The following TSPAN9 variants were observed in gnomAD, a reference collection of about 807,000 sequenced individuals.
TSPAN9 encodes tetraspanin 9, also known as tetraspanin-9.
Under a neutral mutation model 31.0 loss-of-function variants are expected in TSPAN9, and 16 were observed. The observed-to-expected ratio is 0.52, with a 90% confidence interval of 0.35 to 0.78. TSPAN9 has a LOEUF of 0.78. Among genes scored for constraint, TSPAN9 ranks in the 30% least tolerant of loss-of-function variants. TSPAN9 has a pLI of 0.01. For missense variants in TSPAN9, 272 were observed against 312.5 expected (o/e 0.87, Z 0.98); for synonymous variants, 145 against 121.6 (o/e 1.19, Z -1.27).
At chr12:3,222,211 G>A (rs920735932) in intron 3 of TSPAN9, among the ~76,000 whole-genome samples, 3 of 152,268 alleles carry the variant, frequency 2.0e-5, no homozygotes, top group African/African-American at 7.2e-5. Flanking sequence ...AGGGGGGGAC[G>A]TGGCCACAGC....
Position 3,170,012 on chromosome 12 carries a change from G to C in TSPAN9, c.-17-31165G>C, listed in dbSNP as rs1381861324. On this transcript the variant is annotated intron_variant, in intron 2 of 8. Coordinates refer to ENST00000011898, the MANE Select transcript of TSPAN9 (RefSeq NM_006675.5). The surrounding 1 kb of genome is among the most constrained non-coding windows in gnomAD (Gnocchi z 4.4). ...TGGAGGAGTCAGAATGTCTTGGGGTGGGGGTGGGGGCATCCTGAATCTCAT... is the reference window on the plus strand; with the variant it reads ...TGGAGGAGTCAGAATGTCTTGGGGTCGGGGTGGGGGCATCCTGAATCTCAT... Among the ~76,000 whole-genome samples, 1 of 151,898 alleles carries C rather than the reference G, an allele frequency of 6.6e-6. No homozygotes were observed. Among genetic ancestry groups the C allele is most frequent in the Non-Finnish European group, 1.5e-5 (1 of 67,978 alleles).
chr12:3,079,084 A>G (rs2098296538), intron 1 of TSPAN9, among the ~76,000 whole-genome samples: 1 of 151,138 alleles, frequency 6.6e-6, no homozygotes, highest in African/African-American at 2.4e-5. Context: ...GGTTCAAGCC[A>G]TTCTCCTGCC....
intron 2 of TSPAN9, among the ~76,000 whole-genome samples, chr12:3,092,261 C>G (rs1368292296): frequency 6.6e-6 from 1 of 152,154 alleles, no homozygotes; most frequent in Non-Finnish European, 1.5e-5. Flanking sequence ...CCCTCCGTTA[C>G]TTGTTCTCCA....
At chr12:3,103,768 C>T (rs74057522) in intron 2 of TSPAN9, among the ~76,000 whole-genome samples, 5,872 of 152,208 alleles carry the variant, frequency 0.039, 393 homozygotes, top group African/African-American at 0.13. Context: ...GCTTGGTTCA[C>T]ACTAAGTGTC....
At chr12:3,197,780 C>T (rs1331704412) in intron 2 of TSPAN9, among the ~76,000 whole-genome samples, 7 of 30,598 alleles carry the variant, frequency 2.3e-4, no homozygotes, top group Admixed American at 1.7e-3. Flanking sequence ...CCACCACCAG[C>T]ACAGGTCACC....
At chr12:3,132,381 C>T (rs2098330184) in intron 2 of TSPAN9, among the ~76,000 whole-genome samples, 1 of 152,136 alleles carries the variant, frequency 6.6e-6, no homozygotes, top group South Asian at 2.1e-4. Flanking sequence ...CTTTACATCC[C>T]TGCCGGCAAC....
In TSPAN9 at chr12:3,192,323, G is replaced by A. The variant is rs1386631155; in HGVS notation, c.-17-8854G>A. 4.6e-5 allele frequency among the ~76,000 whole-genome samples: 7 copies of A among 152,186 alleles called. No homozygotes were observed. The highest frequency in any genetic ancestry group is 3.9e-4 in the Admixed American group (6 of 15,292). On this transcript the variant is annotated intron_variant, in intron 2 of 8. Transcript: ENST00000011898. This position sits in a 1 kb window ranked among gnomAD's most constrained non-coding sequence, Gnocchi z 4.6. ...CATTGGCTGCTCTTGGTGAATGGGT[G>A]GGCGCAGGAGGGAATGGAAGGCTGC... is the stretch of plus-strand genomic sequence containing the variant.
intron 4 of TSPAN9, among the ~76,000 whole-genome samples, 165 bp downstream of exon 4, chr12:3,278,777 G>A (rs1449674327): frequency 6.6e-6 from 1 of 152,150 alleles, no homozygotes; most frequent in African/African-American, 2.4e-5. Flanking sequence ...CCTCCTCATG[G>A]TTGGTTATGC....
chr12:3,280,276 C>A lies in TSPAN9; in HGVS notation c.331-106C>A, dbSNP rs1019194862. The A allele has an allele frequency of 2.0e-6, 2 of 1,015,936 alleles. No homozygotes were observed. Among genetic ancestry groups the A allele is most frequent in the Admixed American group, 3.9e-5 (2 of 51,468 alleles). 62.9% of individuals were successfully genotyped at this position (1,015,936 alleles called of 1,614,324 possible). ...CCAGACCAGCTGCCTTCCCTGCCTT[C>A]CTCACTCCTCATCTGTCACCCACCA... On this transcript the variant is annotated intron_variant, in intron 5 of 8. Transcript: ENST00000011898. The surrounding 1 kb of genome is among the most constrained non-coding windows in gnomAD (Gnocchi z 4.5).
chr12:3,205,843 C>T (rs1025386255), intron 3 of TSPAN9, among the ~76,000 whole-genome samples: 1 of 152,070 alleles, frequency 6.6e-6, no homozygotes, highest in African/African-American at 2.4e-5. Flanking sequence ...GGTGCGGGGC[C>T]TGGCAGATAC....
chr12:3,167,179 T>A, intron 2 of TSPAN9, among the ~76,000 whole-genome samples: 1 of 152,172 alleles, frequency 6.6e-6, no homozygotes, highest in Non-Finnish European at 1.5e-5. Context: ...TTAAAAAAAA[T>A]AAGATTCATC....
intron 3 of TSPAN9, among the ~76,000 whole-genome samples, chr12:3,270,756 G>A (rs900420036): frequency 2.0e-5 from 3 of 152,250 alleles, no homozygotes; most frequent in Non-Finnish European, 2.9e-5. Context: ...CCAAAGTCTC[G>A]GATAGAATCT....
chr12:3,247,466 G>A (rs2153977747), intron 3 of TSPAN9, among the ~76,000 whole-genome samples: 1 of 152,256 alleles, frequency 6.6e-6, no homozygotes, highest in South Asian at 2.1e-4. Flanking sequence ...GGAGTGCCGA[G>A]AGAGCGTCAG....
chr12:3,241,807 G>T (rs1360066346), intron 3 of TSPAN9, among the ~76,000 whole-genome samples: 1 of 152,198 alleles, frequency 6.6e-6, no homozygotes, highest in Non-Finnish European at 1.5e-5. Context: ...TGTGTCACTG[G>T]GCTCAGTATA....
intron 3 of TSPAN9, among the ~76,000 whole-genome samples, chr12:3,225,115 G>A (rs977991996): frequency 1.3e-5 from 2 of 152,154 alleles, no homozygotes; most frequent in African/African-American, 2.4e-5. Flanking sequence ...AATCATCCTC[G>A]CACCCTGTGG....
rs577584809 is a variant in TSPAN9, at chr12:3,282,565, T to C, written c.649-480T>C. Among the ~76,000 whole-genome samples the C allele has an allele frequency of 1.8e-4, 27 of 152,248 alleles. No homozygotes were observed. In the South Asian group the frequency reaches 5.4e-3, roughly 30 times the overall value. ...TATACACCACCATACCTGAATGATTTACAACTTTTTTCCAAAAACAGATGG... is the reference window on the plus strand; with the variant it reads ...TATACACCACCATACCTGAATGATTCACAACTTTTTTCCAAAAACAGATGG... On this transcript the variant is annotated intron_variant, in intron 8 of 8. Coordinates refer to ENST00000011898, the MANE Select transcript of TSPAN9 (RefSeq NM_006675.5).
chr12:3,209,185 A>G (rs552676732), intron 3 of TSPAN9, among the ~76,000 whole-genome samples: 2 of 151,824 alleles, frequency 1.3e-5, no homozygotes, highest in East Asian at 3.9e-4. Context: ...CAGTGAGCCA[A>G]GACCACACCA....
chr12:3,135,936 C>A (rs7969052), intron 2 of TSPAN9, among the ~76,000 whole-genome samples: 25,868 of 152,116 alleles, frequency 0.17, 2,304 homozygotes, highest in Middle Eastern at 0.24. Flanking sequence ...TTGGGAAAAT[C>A]TTTGCCACGT....
chr12:3,177,439 G>T (rs1165886710), intron 2 of TSPAN9, among the ~76,000 whole-genome samples: 2 of 142,438 alleles, frequency 1.4e-5, no homozygotes, highest in Non-Finnish European at 1.5e-5. Context: ...GCTCGGCCAA[G>T]AAAATTTTTT....
Sources: allele counts gnomAD v4.1 joint callset (sites outside exome capture counted in the v4.1 genomes callset), GRCh38; gene constraint gnomAD v4.1.1; non-coding constraint Gnocchi (gnomAD v3.1); transcripts MANE v1.5; gene names NCBI Gene and HGNC (gene_info 2026-07-23, HGNC 2026-07-21).